Variants in ZC3H11A observed in about 807,000 individuals in gnomAD.
The protein encoded by ZC3H11A is zinc finger CCCH domain-containing protein 11A.
Under a neutral mutation model 90.8 loss-of-function variants are expected in ZC3H11A, and 22 were observed. That is an observed-to-expected ratio of 0.24 (90% CI 0.17 to 0.35). The LOEUF (loss-of-function observed/expected upper bound fraction) is 0.35, where lower values mean the gene tolerates loss of function less well. ZC3H11A is among the 10% of genes least tolerant of loss of function. ZC3H11A has a pLI of 1.00. For missense variants in ZC3H11A, 701 were observed against 964.9 expected, an observed-to-expected ratio of 0.73 and a Z score of 3.62; for synonymous variants, 294 against 339.8, an observed-to-expected ratio of 0.87 and a Z score of 1.48.
intron 13 of ZC3H11A, 151 bp downstream of exon 13, chr1:203,847,838 A>G (rs1038495348): frequency 4.9e-5 from 56 of 1,132,048 alleles, no homozygotes; most frequent in Admixed American, 1.4e-4. Flanking sequence ...CAGTAGTGCT[A>G]TGTAGACCTA....
chr1:203,795,852 A>T (rs1275282291), intron 1 of ZC3H11A, 58 bp downstream of exon 1: 1 of 150,388 alleles, frequency 6.6e-6, no homozygotes, highest in Non-Finnish European at 1.5e-5. Flanking sequence ...GGTGGGGGAG[A>T]GGGCGAGGGG....
In ZC3H11A at chr1:203,840,758, C is replaced by T. The variant is rs564613037; in HGVS notation, c.1042+384C>T. Among the ~76,000 whole-genome samples the T allele has an allele frequency of 2.3e-4, 35 of 152,064 alleles. No individual in the cohort carries two copies. The East Asian group carries it at 6.0e-3, about 26-fold the overall frequency. On this transcript the variant is annotated intron_variant, in intron 12 of 17. Coordinates refer to ENST00000367210, the MANE Select transcript of ZC3H11A (RefSeq NM_001376342.1). ...AAGCAATTCCCCTGCCTCAGCCTACCGAGTAGCTAGAATTACAGGCGTACG... is the reference window on the plus strand; with the variant it reads ...AAGCAATTCCCCTGCCTCAGCCTACTGAGTAGCTAGAATTACAGGCGTACG...
intron 4 of ZC3H11A, among the ~76,000 whole-genome samples, chr1:203,824,158 C>G (rs1679704524): frequency 6.6e-6 from 1 of 151,590 alleles, no homozygotes; most frequent in Non-Finnish European, 1.5e-5. Flanking sequence ...GTCCCAGCTA[C>G]TCAGGAGGTT....
intron 9 of ZC3H11A, among the ~76,000 whole-genome samples, chr1:203,832,072 C>A (rs372455526): frequency 2.6e-5 from 4 of 151,984 alleles, no homozygotes; most frequent in African/African-American, 7.3e-5. Context: ...TTATTTATTT[C>A]TTTGAGACAG....
chr1:203,841,428 C>T (rs1248135455), intron 12 of ZC3H11A, among the ~76,000 whole-genome samples: 3 of 152,076 alleles, frequency 2.0e-5, no homozygotes, highest in African/African-American at 7.2e-5. Flanking sequence ...TCAATTTAAC[C>T]CTGTGTGGAC....
chr1:203,817,003 TG>T lies in ZC3H11A; in HGVS notation c.-66del. On this transcript the variant is annotated 5_prime_UTR_variant, in exon 3 of 18. Transcript: ENST00000367210. ...ACCCATTTCACGAGGACTTGGAGCC[TG>T]GTCCTTGCTTTGAGGAAGCAGTGGC... 2 of 1,179,936 alleles carry T rather than the reference TG, an allele frequency of 1.7e-6. No homozygotes were observed. Among genetic ancestry groups the T allele is most frequent in the Non-Finnish European group, 2.4e-6 (2 of 819,502 alleles). 73.1% of individuals were successfully genotyped at this position (1,179,936 alleles called of 1,614,324 possible).
chr1:203,799,834 A>G (rs988752544), intron 1 of ZC3H11A: 1 of 1,506,840 alleles, frequency 6.6e-7, no homozygotes, highest in African/African-American at 1.4e-5. Context: ...ACTTTGTTAG[A>G]TCCTTGCTTT....
chr1:203,834,667 G>T (rs1178180079), intron 10 of ZC3H11A, among the ~76,000 whole-genome samples: 1 of 151,990 alleles, frequency 6.6e-6, no homozygotes, highest in Non-Finnish European at 1.5e-5. Context: ...ATTATCATTT[G>T]AAACGAGAGT....
At chr1:203,833,981 A>G in intron 10 of ZC3H11A, 128 bp downstream of exon 10, 2 of 1,385,262 alleles carry the variant, frequency 1.4e-6, no homozygotes, top group Non-Finnish European at 1.9e-6. Context: ...GCACTTATAA[A>G]TTCCTCATGT....
chr1:203,809,212 G>C (rs1273923426), intron 2 of ZC3H11A, among the ~76,000 whole-genome samples: 1 of 87,856 alleles, frequency 1.1e-5, no homozygotes, highest in African/African-American at 4.8e-5. Context: ...GTCTTGCTTT[G>C]TCTCCCAGGC....
chr1:203,813,563 T>C (rs967294022), intron 2 of ZC3H11A, among the ~76,000 whole-genome samples: 7 of 152,230 alleles, frequency 4.6e-5, no homozygotes, highest in Non-Finnish European at 8.8e-5. Flanking sequence ...GTCATTTGAC[T>C]ATGCTTGTTA....
intron 12 of ZC3H11A, among the ~76,000 whole-genome samples, chr1:203,846,209 T>C (rs917689378): frequency 1.6e-4 from 25 of 151,708 alleles, no homozygotes; most frequent in African/African-American, 5.8e-4. Flanking sequence ...CATATATATG[T>C]GTATGATCTC....
intron 2 of ZC3H11A, among the ~76,000 whole-genome samples, chr1:203,815,620 G>A (rs1238104512): frequency 6.6e-6 from 1 of 151,906 alleles, no homozygotes; most frequent in Non-Finnish European, 1.5e-5. Flanking sequence ...ATTGTCGAAG[G>A]GTATGTAAAC....
chr1:203,802,729 T>G lies in ZC3H11A; in HGVS notation c.-433T>G, dbSNP rs1472187459. ...TAAATGAACTCTTTTTTTTTGTTTT[T>G]TTTTTGTTTTGTTTTGTTTTGTTTT... On this transcript the variant is annotated 5_prime_UTR_variant, in exon 2 of 18. Transcript: ENST00000367210. 4.8e-5 allele frequency: 7 copies of G among 146,830 alleles called. No individual in the cohort carries two copies. Among genetic ancestry groups the G allele is most frequent in the Admixed American group, 2.1e-4 (3 of 14,070 alleles). The allele number at this position is 146,830 out of a possible 1,614,324, so 9.1% of individuals were successfully genotyped here.
chr1:203,845,533 C>G (rs145823143), intron 12 of ZC3H11A, among the ~76,000 whole-genome samples: 93 of 152,192 alleles, frequency 6.1e-4, no homozygotes, highest in Middle Eastern at 3.4e-3. Context: ...ATCAGAAAAA[C>G]TAAATTGGAG....
chr1:203,844,500 T>C (rs1687349314), intron 12 of ZC3H11A, among the ~76,000 whole-genome samples: 1 of 152,228 alleles, frequency 6.6e-6, no homozygotes, highest in Admixed American at 6.5e-5. Context: ...AATCTTTATT[T>C]TTATTTTTAA....
At chr1:203,844,747 C>A (rs1687416743) in intron 12 of ZC3H11A, among the ~76,000 whole-genome samples, 1 of 152,074 alleles carries the variant, frequency 6.6e-6, no homozygotes. Context: ...TCTGGGGGCT[C>A]ATACAATTGC....
Position 203,810,529 on chromosome 1 carries a change from C to G in ZC3H11A, c.-145-6397C>G, listed in dbSNP as rs538309246. Among the ~76,000 whole-genome samples the G allele has an allele frequency of 7.3e-5, 11 of 151,478 alleles. No homozygotes were observed. In the South Asian group the frequency reaches 2.3e-3, roughly 32 times the overall value. On this transcript the variant is annotated intron_variant, in intron 2 of 17. Transcript: ENST00000367210. ...GCACCTCTGGGGTTCACACCATTCT[C>G]CTGCCTCAGCCTCCAGAGTAGCTGG...
At chr1:203,807,716 G>C (rs1253246594) in intron 2 of ZC3H11A, among the ~76,000 whole-genome samples, 1 of 151,918 alleles carries the variant, frequency 6.6e-6, no homozygotes, top group Non-Finnish European at 1.5e-5. Flanking sequence ...TTGGGAGAGA[G>C]ACATGGTCTC....
Sources: allele counts gnomAD v4.1 joint callset (sites outside exome capture counted in the v4.1 genomes callset), GRCh38; gene constraint gnomAD v4.1.1; transcripts MANE v1.5; gene names NCBI Gene and HGNC (gene_info 2026-07-23, HGNC 2026-07-21).